The following PCCB variants were observed in gnomAD, a reference collection of about 807,000 sequenced individuals.
The protein encoded by PCCB is propionyl-CoA carboxylase subunit beta, also known as propionyl-CoA carboxylase beta chain, mitochondrial.
In PCCB, 43 loss-of-function variants were observed where a neutral mutation model predicts 60.7. The ratio of observed to expected loss-of-function variants is 0.71; its 90% confidence interval spans 0.55 to 0.91. The LOEUF is 0.91. Among genes scored for constraint, PCCB ranks in the 40% least tolerant of loss-of-function variants. The pLI is 0.00. For synonymous variants in PCCB, 276 were observed against 255.9 expected (o/e 1.08, Z -0.75); for missense variants, 766 against 702.8 (o/e 1.09, Z -1.02).
intron 10 of PCCB, among the ~76,000 whole-genome samples, chr3:136,324,460 T>G (rs1452115516): frequency 6.6e-6 from 1 of 152,244 alleles, no homozygotes; most frequent in Non-Finnish European, 1.5e-5. Context: ...GTTTTCATTT[T>G]CATTCAACTT....
At chr3:136,272,225 G>A (rs751368415) in intron 5 of PCCB, among the ~76,000 whole-genome samples, 6 of 152,072 alleles carry the variant, frequency 3.9e-5, no homozygotes, top group Non-Finnish European at 5.9e-5. Context: ...TGATCATGTT[G>A]TATTATCTTT....
chr3:136,281,531 T>C (rs952421236), intron 5 of PCCB, among the ~76,000 whole-genome samples: 2 of 152,162 alleles, frequency 1.3e-5, no homozygotes, highest in Admixed American at 6.5e-5. Flanking sequence ...TGTAGTTTTT[T>C]CCCCCCACAG....
chr3:136,301,501 A>G (rs908305449), intron 9 of PCCB, among the ~76,000 whole-genome samples: 1 of 152,066 alleles, frequency 6.6e-6, no homozygotes, highest in East Asian at 1.9e-4. Context: ...AGAAGAGAGT[A>G]CACAGGGCAT....
At chr3:136,318,354 C>T (rs1227330922) in intron 10 of PCCB, among the ~76,000 whole-genome samples, 1 of 152,056 alleles carries the variant, frequency 6.6e-6, no homozygotes, top group African/African-American at 2.4e-5. Context: ...CACGCCACTG[C>T]ATGACAGAGT....
intron 6 of PCCB, among the ~76,000 whole-genome samples, chr3:136,284,750 A>G (rs150955218): frequency 6.6e-6 from 1 of 152,134 alleles, no homozygotes; most frequent in Non-Finnish European, 1.5e-5. Context: ...TGATATACCG[A>G]AAGTAGTGTA....
At chr3:136,252,281 C>T (rs545939416) in intron 1 of PCCB, 169 of 454,666 alleles carry the variant, frequency 3.7e-4, no homozygotes, top group Non-Finnish European at 6.5e-4. Flanking sequence ...TTTTTTGAGA[C>T]AGAGTTCACT....
At chr3:136,300,026 CCA>C in intron 8 of PCCB, among the ~76,000 whole-genome samples, 1 of 151,646 alleles carries the variant, frequency 6.6e-6, no homozygotes, top group East Asian at 1.9e-4. Flanking sequence ...GTGTACACGC[CCA>C]CACATGCATA....
At chr3:136,260,065 T>TTGTTTTGTTC in intron 3 of PCCB, 1 of 249,338 alleles carries the variant, frequency 4.0e-6, no homozygotes, top group South Asian at 4.6e-5. Context: ...TTTTTTTGTT[T>TTGTTTTGTTC]TGTTTTGTTT....
intron 10 of PCCB, chr3:136,326,387 T>C: frequency 1.4e-6 from 1 of 702,860 alleles, no homozygotes; most frequent in Admixed American, 2.0e-5. Flanking sequence ...ACTTTGCAGG[T>C]AAGGAACCTT....
chr3:136,257,705 G>A (rs574643730), intron 3 of PCCB, among the ~76,000 whole-genome samples: 2 of 152,306 alleles, frequency 1.3e-5, no homozygotes, highest in Admixed American at 1.3e-4. Context: ...GGGAGGCTGA[G>A]ATGGGTGGAT....
At chr3:136,280,441 G>A (rs755047094) in intron 5 of PCCB, among the ~76,000 whole-genome samples, 5 of 152,128 alleles carry the variant, frequency 3.3e-5, no homozygotes, top group Non-Finnish European at 5.9e-5. Flanking sequence ...TGCCTGCCAG[G>A]CTCAAATGAT....
rs894843787 is a variant in PCCB at position 136,270,540 on chromosome 3, C to T, written c.543+8475C>T. On this transcript the variant is annotated intron_variant, in intron 5 of 14. Coordinates refer to ENST00000251654, the MANE Select transcript of PCCB (RefSeq NM_000532.5). The stretch of plus-strand genomic sequence containing the variant: ...TTCCCGCTGTAGGCAGAGTCTTGCT[C>T]TGTTTCTCAGGCTGGAGTACAATGG... Among the ~76,000 whole-genome samples the T allele has an allele frequency of 3.3e-5, 5 of 151,942 alleles. No individual in the cohort carries two copies. In the East Asian group the frequency reaches 9.7e-4, roughly 29 times the overall value.
intron 8 of PCCB, among the ~76,000 whole-genome samples, chr3:136,300,428 A>C (rs1157156997): frequency 6.6e-6 from 1 of 152,196 alleles, no homozygotes; most frequent in Admixed American, 6.5e-5. Flanking sequence ...GTCCTCCTGT[A>C]GAGTGGGAGT....
At chr3:136,315,264 G>T (rs542908978) in intron 9 of PCCB, among the ~76,000 whole-genome samples, 1 of 152,182 alleles carries the variant, frequency 6.6e-6, no homozygotes, top group Non-Finnish European at 1.5e-5. Flanking sequence ...GTGGCCGGGC[G>T]CGGTGGCTCA....
chr3:136,294,775 A>G (rs754800530), intron 7 of PCCB, among the ~76,000 whole-genome samples: 10 of 151,814 alleles, frequency 6.6e-5, no homozygotes, highest in Non-Finnish European at 1.2e-4. Context: ...ATACCCAGGT[A>G]ATTTTTATTT....
At chr3:136,276,166 G>C (rs1942325762) in intron 5 of PCCB, among the ~76,000 whole-genome samples, 1 of 152,172 alleles carries the variant, frequency 6.6e-6, no homozygotes, top group South Asian at 2.1e-4. Flanking sequence ...TCATTCCCCT[G>C]TGGTGTGTGC....
At chr3:136,315,481 C>G (rs1204365301) in intron 9 of PCCB, among the ~76,000 whole-genome samples, 1 of 152,022 alleles carries the variant, frequency 6.6e-6, no homozygotes, top group African/African-American at 2.4e-5. Flanking sequence ...GAGCCGAGAT[C>G]GTGCCACTGC....
In PCCB at chr3:136,297,444, G is replaced by C. The variant is rs190841022; in HGVS notation, c.764-508G>C. ...GAGTGCTCTTCAAGAATTATGGCTT[G>C]ATTCTCACTAGGGGCAGGTGGCTCC... On this transcript the variant is annotated intron_variant, in intron 7 of 14. Transcript: ENST00000251654. 2.5e-4 allele frequency among the ~76,000 whole-genome samples: 38 copies of C among 152,224 alleles called. No homozygotes were observed. In the East Asian group the frequency reaches 5.0e-3, roughly 20 times the overall value.
intron 5 of PCCB, among the ~76,000 whole-genome samples, chr3:136,273,597 C>CTTTTTTTTTTTT: frequency 4.4e-5 from 2 of 45,222 alleles, no homozygotes; most frequent in Non-Finnish European, 8.3e-5. Flanking sequence ...TTTCTTTTTT[C>CTTTTTTTTTTTT]TTTTTTTTTT....
Sources: gnomAD v4.1 joint callset for allele counts (sites outside exome capture counted in the v4.1 genomes callset) on GRCh38, gnomAD v4.1.1 for gene constraint, MANE v1.5 for transcripts, NCBI Gene and HGNC (gene_info 2026-07-23, HGNC 2026-07-21) for gene names.